The following PIK3CB variants were observed in gnomAD, a reference collection of about 807,000 sequenced individuals.
PIK3CB encodes phosphatidylinositol 4,5-bisphosphate 3-kinase catalytic subunit beta isoform.
A neutral mutation model predicts 136.8 loss-of-function variants in PIK3CB; 39 were observed. The observed-to-expected ratio is 0.29, with a 90% confidence interval of 0.22 to 0.37. PIK3CB has a LOEUF of 0.37. PIK3CB is among the 10% of genes least tolerant of loss of function. The probability of loss-of-function intolerance (pLI) is 1.00; values close to 1 mark genes in which losing one functional copy is unlikely to be tolerated. For missense variants in PIK3CB, 868 were observed against 1,275.4 expected (o/e 0.68, Z 4.87); for synonymous variants, 428 against 436.6 (o/e 0.98, Z 0.25).
rs2108645376 is a variant in PIK3CB at position 138,734,776 on chromosome 3, G to A, written c.830C>T (p.Ala277Val). Reference sequence around the variant, plus strand: ...TTCCACAAGTATAAAATGGGGCAGGGCTCTGTTCATCACACAGTTCCGGAT... The same window carrying A: ...TTCCACAAGTATAAAATGGGGCAGGACTCTGTTCATCACACAGTTCCGGAT... ...QYIRNCVMNR[A>V]LPHFILVECC... The change falls in exon 7 of 24, where the codon GCC becomes GTC. Residue 277 changes from alanine to valine, a missense_variant. This residue lies in a region of PIK3CB where 612 missense variants were observed against 801.1 expected (regional missense o/e 0.76). Transcript: ENST00000674063. The A allele has an allele frequency of 1.2e-6, 2 of 1,612,968 alleles. No homozygotes were observed. The highest frequency in any genetic ancestry group is 1.1e-5 in the South Asian group (1 of 90,946).
intron 4 of PIK3CB, among the ~76,000 whole-genome samples, chr3:138,751,752 C>T (rs373039587): frequency 9.9e-5 from 15 of 152,048 alleles, no homozygotes; most frequent in African/African-American, 3.4e-4. Context: ...AGGCAGATCG[C>T]TTGAGGTCAG....
At chr3:138,805,357 C>T (rs756814359) in intron 1 of PIK3CB, among the ~76,000 whole-genome samples, 4 of 149,906 alleles carry the variant, frequency 2.7e-5, no homozygotes, top group African/African-American at 9.8e-5. Flanking sequence ...ACAACAACAA[C>T]AAAATCAGTA....
At chr3:138,739,809 G>A (rs1445879878) in intron 5 of PIK3CB, among the ~76,000 whole-genome samples, 1 of 151,476 alleles carries the variant, frequency 6.6e-6, no homozygotes, top group Non-Finnish European at 1.5e-5. Flanking sequence ...GGCTGAGGCA[G>A]GAGAATCCCT....
intron 3 of PIK3CB, among the ~76,000 whole-genome samples, chr3:138,757,087 T>A (rs2045582176): frequency 6.6e-6 from 1 of 152,096 alleles, no homozygotes; most frequent in South Asian, 2.1e-4. Context: ...CTCAACATCA[T>A]TAGTCATGAG....
chr3:138,695,301 T>C (rs1289159717), intron 13 of PIK3CB, among the ~76,000 whole-genome samples: 2 of 152,210 alleles, frequency 1.3e-5, no homozygotes, highest in Non-Finnish European at 2.9e-5. Flanking sequence ...ATGATATGTA[T>C]GCAAGATCAC....
chr3:138,746,235 A>G (rs1293508025), intron 4 of PIK3CB, among the ~76,000 whole-genome samples: 1 of 152,102 alleles, frequency 6.6e-6, no homozygotes, highest in Non-Finnish European at 1.5e-5. Flanking sequence ...AACACTAAAA[A>G]TCTGTTCAGG....
rs6792707 is a variant in PIK3CB at position 138,676,344 on chromosome 3, T to C, written c.2504+5623A>G. 3.3e-3 allele frequency among the ~76,000 whole-genome samples: 509 copies of C among 152,272 alleles called. 3 individuals carry two copies. Among genetic ancestry groups the C allele is most frequent in the African/African-American group, 0.012 (481 of 41,562 alleles). On this transcript the variant is annotated intron_variant, in intron 19 of 23. Coordinates refer to ENST00000674063, the MANE Select transcript of PIK3CB (RefSeq NM_006219.3). ...AAGTGTTGGTGAGAATGAAGAGAAA[T>C]TGGAACCTTTGTACATTGCTGGTTG... is the stretch of plus-strand genomic sequence containing the variant.
intron 2 of PIK3CB, among the ~76,000 whole-genome samples, chr3:138,763,838 C>T (rs983777867): frequency 2.0e-5 from 3 of 152,194 alleles, no homozygotes; most frequent in African/African-American, 4.8e-5. Context: ...GAAGGCCAGG[C>T]GCGCTGGCTC....
chr3:138,806,022 C>A (rs770654891), intron 1 of PIK3CB, among the ~76,000 whole-genome samples: 1 of 151,984 alleles, frequency 6.6e-6, no homozygotes, highest in East Asian at 2.0e-4. Flanking sequence ...GCCACCGCGC[C>A]CGGCCCCATC....
intron 2 of PIK3CB, among the ~76,000 whole-genome samples, chr3:138,768,853 G>A (rs1459570481): frequency 3.3e-5 from 5 of 152,204 alleles, no homozygotes; most frequent in Admixed American, 6.5e-5. Flanking sequence ...ACTGGGTGCC[G>A]ACAATAGGGA....
At position 138,733,404 on chromosome 3, in the gene PIK3CB, A is replaced by T. The variant is rs1307238434; in HGVS notation, c.1007T>A (p.Val336Asp). The change falls in exon 8 of 24, where the codon GTC becomes GAC. Residue 336 changes from valine to aspartate, a missense_variant. By Grantham distance (152) the Val-to-Asp change is radical (BLOSUM62 -3). Around this residue, in one of 4 missense-constraint regions of PIK3CB, gnomAD observed 612 missense variants for 801.1 expected, o/e 0.76. Transcript: ENST00000674063. ...VWENNNPFQI[V>D]LVKGNKLNTE... is the part of the protein sequence containing the mutation. ...GTTAAGTTTATTTCCCTTAACCAAG[A>T]CAATTTGGAAAGGGTTGTTATTTTC... 17 of 1,566,532 alleles carry T rather than the reference A, an allele frequency of 1.1e-5. No homozygotes were observed. Among genetic ancestry groups the T allele is most frequent in the Non-Finnish European group, 1.4e-5 (16 of 1,139,534 alleles).
chr3:138,726,708 T>C (rs1427286143), intron 8 of PIK3CB, among the ~76,000 whole-genome samples: 2 of 152,164 alleles, frequency 1.3e-5, no homozygotes, highest in African/African-American at 4.8e-5. Context: ...TTCAGGCTTC[T>C]GCTGAATATT....
At chr3:138,674,038 T>C (rs1006665178) in intron 19 of PIK3CB, among the ~76,000 whole-genome samples, 13 of 152,102 alleles carry the variant, frequency 8.5e-5, no homozygotes, top group Middle Eastern at 3.2e-3. Flanking sequence ...CTGTTTAACA[T>C]TGTAGCTGTC....
intron 2 of PIK3CB, among the ~76,000 whole-genome samples, chr3:138,780,482 A>G (rs935198481): frequency 6.6e-6 from 1 of 151,300 alleles, no homozygotes; most frequent in Admixed American, 6.6e-5. Context: ...TTTTGGCCAC[A>G]ATGGTTTCGA....
chr3:138,831,919 A>G (rs1300264745), intron 1 of PIK3CB, among the ~76,000 whole-genome samples: 1 of 152,052 alleles, frequency 6.6e-6, no homozygotes, highest in Non-Finnish European at 1.5e-5. Flanking sequence ...CTCCATCTCA[A>G]AACAAACAAA....
intron 19 of PIK3CB, among the ~76,000 whole-genome samples, chr3:138,680,970 G>A (rs2043762419): frequency 6.6e-6 from 1 of 151,740 alleles, no homozygotes; most frequent in African/African-American, 2.4e-5. Context: ...TTACAGGAGT[G>A]AGCCACCATG....
intron 1 of PIK3CB, among the ~76,000 whole-genome samples, chr3:138,805,618 G>A (rs570678067): frequency 6.6e-6 from 1 of 151,738 alleles, no homozygotes; most frequent in East Asian, 2.0e-4. Context: ...CTTGCAGTGA[G>A]CCAAGATTGC....
chr3:138,702,251 T>C (rs1224448064), intron 12 of PIK3CB, among the ~76,000 whole-genome samples: 1 of 148,760 alleles, frequency 6.7e-6, no homozygotes, highest in Non-Finnish European at 1.5e-5. Flanking sequence ...CTTTTTTTTT[T>C]TTTTGTAGAG....
intron 14 of PIK3CB, among the ~76,000 whole-genome samples, chr3:138,693,966 T>TATATTA (rs1457395869): frequency 1.9e-4 from 8 of 42,390 alleles, no homozygotes; most frequent in Admixed American, 3.5e-4. Context: ...TATATATATA[T>TATATTA]TATATATATA....
Sources: allele counts gnomAD v4.1 joint callset (sites outside exome capture counted in the v4.1 genomes callset), GRCh38; gene constraint gnomAD v4.1.1; regional missense constraint gnomAD v4.1.1; transcripts MANE v1.5; gene names NCBI Gene and HGNC (gene_info 2026-07-23, HGNC 2026-07-21).